ANKRD12: variants seen among roughly 807,000 people sequenced by gnomAD.
ANKRD12 encodes the protein ankyrin repeat domain 12.
In ANKRD12, 85 loss-of-function variants were observed where a neutral mutation model predicts 183.4. That is an observed-to-expected ratio of 0.46 (90% CI 0.39 to 0.56). ANKRD12 has a LOEUF of 0.56. ANKRD12 is among the 20% of genes least tolerant of loss of function. The probability of loss-of-function intolerance (pLI) is 0.00; values close to 1 mark genes in which losing one functional copy is unlikely to be tolerated. For missense variants in ANKRD12, 2,405 were observed against 2,357.1 expected (o/e 1.02, Z -0.42); for synonymous variants, 914 against 800.2 (o/e 1.14, Z -2.40).
At chr18:9,251,025 T>C (rs2145127039) in intron 8 of ANKRD12, among the ~76,000 whole-genome samples, 1 of 152,340 alleles carries the variant, frequency 6.6e-6, no homozygotes, top group African/African-American at 2.4e-5. Context: ...TTTAGTTTTG[T>C]ATCATTATCA....
intron 1 of ANKRD12, among the ~76,000 whole-genome samples, chr18:9,162,903 T>C (rs977506170): frequency 3.9e-5 from 6 of 152,192 alleles, no homozygotes; most frequent in Non-Finnish European, 8.8e-5. Context: ...GTTGTTTTTT[T>C]CTTATAAATT....
At chr18:9,188,798 A>G (rs2034270265) in intron 2 of ANKRD12, among the ~76,000 whole-genome samples, 1 of 152,222 alleles carries the variant, frequency 6.6e-6, no homozygotes, top group South Asian at 2.1e-4. Context: ...ACCACACTGT[A>G]TGCAGAAAAG....
At chr18:9,193,281 G>C (rs1017011562) in intron 2 of ANKRD12, among the ~76,000 whole-genome samples, 2 of 151,902 alleles carry the variant, frequency 1.3e-5, no homozygotes, top group Non-Finnish European at 2.9e-5. Context: ...TAGGAACACA[G>C]GCGCATGCCA....
intron 4 of ANKRD12, among the ~76,000 whole-genome samples, chr18:9,205,953 T>A (rs2035463481): frequency 6.6e-6 from 1 of 152,096 alleles, no homozygotes; most frequent in African/African-American, 2.4e-5. Flanking sequence ...AATAAGTACT[T>A]AACACTTAAT....
chr18:9,169,461 C>A (rs1010433024), intron 1 of ANKRD12, among the ~76,000 whole-genome samples: 6 of 152,086 alleles, frequency 3.9e-5, no homozygotes, highest in African/African-American at 1.4e-4. Flanking sequence ...CTTTACCATT[C>A]TGTAATGGCC....
chr18:9,235,109 T>TA (rs775769496), intron 8 of ANKRD12, among the ~76,000 whole-genome samples: 8 of 150,928 alleles, frequency 5.3e-5, no homozygotes, highest in Non-Finnish European at 1.2e-4. Context: ...GGGTGTCTGA[T>TA]ATCTCTATAG....
chr18:9,188,398 A>G (rs925149339), intron 2 of ANKRD12, among the ~76,000 whole-genome samples: 14 of 152,218 alleles, frequency 9.2e-5, no homozygotes, highest in African/African-American at 3.4e-4. Context: ...GAGGCTGTTT[A>G]TCATACAAAT....
chr18:9,151,703 T>C (rs974133899), intron 1 of ANKRD12, among the ~76,000 whole-genome samples: 26 of 152,232 alleles, frequency 1.7e-4, no homozygotes, highest in Admixed American at 1.3e-4. Flanking sequence ...GTTTTTGCCC[T>C]GAAAGCGGCT....
intron 10 of ANKRD12, among the ~76,000 whole-genome samples, chr18:9,271,981 T>C (rs568327045): frequency 1.3e-5 from 2 of 152,286 alleles, no homozygotes; most frequent in East Asian, 3.9e-4. Flanking sequence ...TGGTAACATT[T>C]GAATGCTATA....
intron 1 of ANKRD12, among the ~76,000 whole-genome samples, chr18:9,164,025 C>T (rs2031759158): frequency 6.6e-6 from 1 of 152,156 alleles, no homozygotes; most frequent in Non-Finnish European, 1.5e-5. Flanking sequence ...TTATTTCTTT[C>T]TCTTGCCTGA....
In ANKRD12 at chr18:9,256,315, AAAAGAT is replaced by A. The variant is rs776136103; in HGVS notation, c.3052_3057del (p.Asp1018_Lys1019del). On this transcript the variant is annotated inframe_deletion, in exon 9 of 13. Coordinates refer to ENST00000262126, the MANE Select transcript of ANKRD12 (RefSeq NM_015208.5). ...CTTTGAAAACTCCAGATGGAAAAGA[AAAAGAT>A]AAAAAAGATAAAGATATAGATAGAT... 1.2e-5 allele frequency: 19 copies of A among 1,589,476 alleles called. No homozygotes were observed. The highest frequency in any genetic ancestry group is 1.6e-5 in the Non-Finnish European group (19 of 1,170,392).
intron 4 of ANKRD12, among the ~76,000 whole-genome samples, chr18:9,208,191 G>C (rs2035592623): frequency 6.6e-6 from 1 of 152,134 alleles, no homozygotes; most frequent in Non-Finnish European, 1.5e-5. Flanking sequence ...GATAAGACTT[G>C]TCTTAAATAT....
intron 8 of ANKRD12, among the ~76,000 whole-genome samples, chr18:9,251,638 A>G (rs1053381284): frequency 7.2e-5 from 11 of 152,106 alleles, no homozygotes; most frequent in Non-Finnish European, 1.2e-4. Context: ...TACTGAAGAT[A>G]CAAAAATTAG....
intron 8 of ANKRD12, among the ~76,000 whole-genome samples, chr18:9,222,657 G>A (rs72937301): frequency 0.063 from 9,649 of 152,074 alleles, 333 homozygotes; most frequent in Non-Finnish European, 0.079. Flanking sequence ...AAGCAATTAG[G>A]TAATGCTACT....
chr18:9,256,946 G>C lies in ANKRD12; in HGVS notation c.3679G>C (p.Val1227Leu). The C allele has an allele frequency of 1.9e-6, 3 of 1,614,086 alleles. No homozygotes were observed. Among genetic ancestry groups the C allele is most frequent in the Non-Finnish European group, 2.5e-6 (3 of 1,179,994 alleles). Residue 1227 changes from valine (V) to leucine (L), a missense_variant, in exon 9 of 13, where the codon GTT (valine) becomes CTT (leucine). Val to Leu is a conservative substitution (Grantham distance 32). Coordinates refer to ENST00000262126, the MANE Select transcript of ANKRD12 (RefSeq NM_015208.5). Reference protein sequence around the residue: ...HTTVTTPRPPVEYDSDFMLES... With the variant: ...HTTVTTPRPPLEYDSDFMLES... ...TACAGTGACAACCCCAAGGCCTCCA[G>C]TTGAGTATGACTCTGACTTTATGTT...
intron 8 of ANKRD12, among the ~76,000 whole-genome samples, chr18:9,225,694 C>T (rs1450472708): frequency 6.6e-6 from 1 of 152,096 alleles, no homozygotes; most frequent in Non-Finnish European, 1.5e-5. Context: ...TCAATACTTT[C>T]GAAATCCAAA....
At chr18:9,241,330 GT>G (rs1318404292) in intron 8 of ANKRD12, among the ~76,000 whole-genome samples, 1 of 152,058 alleles carries the variant, frequency 6.6e-6, no homozygotes, top group African/African-American at 2.4e-5. Context: ...TTAACATGTA[GT>G]TAAAATGTAA....
chr18:9,230,593 T>G (rs969986697), intron 8 of ANKRD12, among the ~76,000 whole-genome samples: 1 of 152,116 alleles, frequency 6.6e-6, no homozygotes, highest in Non-Finnish European at 1.5e-5. Flanking sequence ...GCTATAAACC[T>G]CTTTTTTAGC....
chr18:9,268,453 A>C (rs1265704168), intron 10 of ANKRD12, among the ~76,000 whole-genome samples: 1 of 152,240 alleles, frequency 6.6e-6, no homozygotes, highest in East Asian at 1.9e-4. Context: ...CCTGGGATGC[A>C]AGGCTGGTTC....
Sources: allele counts gnomAD v4.1 joint callset (sites outside exome capture counted in the v4.1 genomes callset), GRCh38; gene constraint gnomAD v4.1.1; transcripts MANE v1.5; gene names NCBI Gene and HGNC (gene_info 2026-07-23, HGNC 2026-07-21).